PSD3: variants seen among roughly 807,000 people sequenced by gnomAD.
The protein encoded by PSD3 is PH and SEC7 domain-containing protein 3.
PSD3 carries 49 observed loss-of-function variants against 105.5 expected under a neutral mutation model. The observed-to-expected ratio is 0.46, with a 90% CI of 0.37 to 0.59. PSD3 has a LOEUF of 0.59. PSD3 is among the 20% of genes least tolerant of loss of function. PSD3 has a pLI of 0.00. For synonymous variants in PSD3, 557 were observed against 457.8 expected (o/e 1.22, Z -2.77); for missense variants, 1,561 against 1,263.8 (o/e 1.24, Z -3.57).
At chr8:18,700,922 G>A (rs144485200) in intron 9 of PSD3, among the ~76,000 whole-genome samples, 1 of 151,918 alleles carries the variant, frequency 6.6e-6, no homozygotes, top group Non-Finnish European at 1.5e-5. Flanking sequence ...TAATCTCCAA[G>A]GTCTTTGGAA....
At chr8:18,875,040 C>A (rs1038631399) in intron 2 of PSD3, among the ~76,000 whole-genome samples, 1 of 152,128 alleles carries the variant, frequency 6.6e-6, no homozygotes, top group African/African-American at 2.4e-5. Context: ...TCCAGCCTCT[C>A]GGGTAGCTGG....
At chr8:18,654,319 A>G (rs1009065949) in intron 10 of PSD3, among the ~76,000 whole-genome samples, 5 of 152,220 alleles carry the variant, frequency 3.3e-5, no homozygotes, top group African/African-American at 1.2e-4. Context: ...ACGTGCAGAT[A>G]ACATAACAAG....
chr8:18,648,104 G>T (rs564841012), intron 10 of PSD3, among the ~76,000 whole-genome samples: 1 of 147,628 alleles, frequency 6.8e-6, no homozygotes, highest in Non-Finnish European at 1.5e-5. Context: ...TCAGAAAAAT[G>T]GGTCCCAAGA....
intron 4 of PSD3, among the ~76,000 whole-genome samples, chr8:18,855,252 A>C (rs1202370979): frequency 2.0e-5 from 3 of 152,198 alleles, no homozygotes; most frequent in Non-Finnish European, 2.9e-5. Context: ...CCTTTCAAGA[A>C]TGTTCTGGTT....
chr8:18,666,922 G>C (rs1190531028), intron 9 of PSD3, among the ~76,000 whole-genome samples: 1 of 152,100 alleles, frequency 6.6e-6, no homozygotes, highest in Non-Finnish European at 1.5e-5. Flanking sequence ...GACTTCCCTC[G>C]CGGTCAGTGT....
intron 2 of PSD3, among the ~76,000 whole-genome samples, chr8:18,906,081 G>A (rs138790122): frequency 0.047 from 7,101 of 152,200 alleles, 200 homozygotes; most frequent in Admixed American, 0.08. Context: ...CTGAAAGACC[G>A]GCAAAAATAT....
chr8:18,816,769 G>A (rs985466415), intron 4 of PSD3, among the ~76,000 whole-genome samples: 5 of 152,108 alleles, frequency 3.3e-5, no homozygotes, highest in Non-Finnish European at 7.3e-5. Flanking sequence ...AACATGTTAC[G>A]ACTCACACAC....
chr8:19,020,522 G>T (rs772076646), intron 1 of PSD3, among the ~76,000 whole-genome samples: 3 of 152,104 alleles, frequency 2.0e-5, no homozygotes, highest in Non-Finnish European at 4.4e-5. Flanking sequence ...GGACCTTATA[G>T]GTTGTTGTAA....
intron 14 of PSD3, among the ~76,000 whole-genome samples, chr8:18,559,790 A>C (rs1340880796): frequency 6.6e-6 from 1 of 152,184 alleles, no homozygotes; most frequent in African/African-American, 2.4e-5. Flanking sequence ...TACAGGCTAG[A>C]ATGACAATAT....
rs577828579 is a variant in PSD3, at chr8:18,919,923, C to T, written c.130+16111G>A. Among the ~76,000 whole-genome samples, 330 of 149,594 alleles carry T rather than the reference C, an allele frequency of 2.2e-3. 2 individuals carry two copies. The highest frequency in any genetic ancestry group is 0.016 in the South Asian group (77 of 4,706). Reference sequence around the variant, plus strand: ...CTAGATGACGAGTTAGTGGGTGCAGCGCACCAGCACGGCACATGTATACAT... The same window carrying T: ...CTAGATGACGAGTTAGTGGGTGCAGTGCACCAGCACGGCACATGTATACAT... On this transcript the variant is annotated intron_variant, in intron 2 of 15. Transcript: ENST00000327040.
intron 8 of PSD3, among the ~76,000 whole-genome samples, chr8:18,796,024 A>G (rs991841874): frequency 3.9e-5 from 6 of 152,190 alleles, no homozygotes; most frequent in African/African-American, 7.2e-5. Context: ...AACAAATTAT[A>G]TAGCAAATTC....
At chr8:19,028,802 T>C (rs545391951) in intron 1 of PSD3, among the ~76,000 whole-genome samples, 2 of 152,322 alleles carry the variant, frequency 1.3e-5, no homozygotes, top group South Asian at 4.1e-4. Flanking sequence ...TCTAGAATTG[T>C]TATAGTTTTA....
intron 2 of PSD3, 126 bp from the exon 3 acceptor site, chr8:18,872,859 G>T (rs780308654): frequency 5.0e-5 from 45 of 905,938 alleles, no homozygotes; most frequent in Non-Finnish European, 4.4e-5. Flanking sequence ...CATTATATCA[G>T]TCCTCCCACC....
upstream of PSD3, among the ~76,000 whole-genome samples, chr8:19,017,036 A>G (rs1197923459): frequency 3.4e-5 from 5 of 145,854 alleles, no homozygotes; most frequent in Non-Finnish European, 1.5e-5. Flanking sequence ...TTCCTCAAGT[A>G]TTTTGGCTAC....
intron 9 of PSD3, among the ~76,000 whole-genome samples, chr8:18,688,145 A>ATGAGGCTC (rs1800768190): frequency 6.6e-6 from 1 of 152,090 alleles, no homozygotes; most frequent in Non-Finnish European, 1.5e-5. Flanking sequence ...GTGATGCCAT[A>ATGAGGCTC]ATAGCTCACT....
chr8:18,551,628 C>A (rs1490093988), intron 15 of PSD3, among the ~76,000 whole-genome samples: 1 of 152,138 alleles, frequency 6.6e-6, no homozygotes, highest in Non-Finnish European at 1.5e-5. Context: ...TGGGCTCTAA[C>A]TGCCTTAAGC....
intron 12 of PSD3, among the ~76,000 whole-genome samples, chr8:18,585,414 C>T (rs1427759896): frequency 6.6e-6 from 1 of 152,150 alleles, no homozygotes; most frequent in Non-Finnish European, 1.5e-5. Context: ...GCCTCCTGGG[C>T]TCAATCAATC....
intron 1 of PSD3, among the ~76,000 whole-genome samples, chr8:18,963,491 G>A (rs982411189): frequency 4.3e-4 from 66 of 151,838 alleles, no homozygotes; most frequent in South Asian, 1.7e-3. Context: ...TACTCGACTC[G>A]CCAACTAAAT....
Position 18,674,252 on chromosome 8 carries a change from G to A in PSD3, c.2173-18567C>T, listed in dbSNP as rs566860987. On this transcript the variant is annotated intron_variant, in intron 9 of 15. Coordinates refer to ENST00000327040, the MANE Select transcript of PSD3 (RefSeq NM_015310.4). ...TTAGAGGCTTTAAAGGGCTGTCCTCGTTCGACTCACTGCCCTCAGAGGTAG... is the reference window on the plus strand; with the variant it reads ...TTAGAGGCTTTAAAGGGCTGTCCTCATTCGACTCACTGCCCTCAGAGGTAG... Among the ~76,000 whole-genome samples, 5 of 152,288 alleles carry A rather than the reference G, an allele frequency of 3.3e-5. No individual in the cohort carries two copies. In the South Asian group the frequency reaches 6.2e-4, roughly 19 times the overall value.
Sources: allele counts gnomAD v4.1 joint callset (sites outside exome capture counted in the v4.1 genomes callset), GRCh38; gene constraint gnomAD v4.1.1; transcripts MANE v1.5; gene names NCBI Gene and HGNC (gene_info 2026-07-23, HGNC 2026-07-21).